Variants in ATP6V1B2 observed in about 807,000 individuals in gnomAD.
ATP6V1B2 encodes the protein ATPase H+ transporting V1 subunit B2.
A neutral mutation model predicts 66.7 loss-of-function variants in ATP6V1B2; 23 were observed. The ratio of observed to expected loss-of-function variants is 0.34; its 90% CI spans 0.25 to 0.49. ATP6V1B2 has a LOEUF of 0.49. ATP6V1B2 is among the 20% of genes least tolerant of loss of function. The pLI is 0.99. For missense variants in ATP6V1B2, 478 were observed against 650.8 expected, an observed-to-expected ratio of 0.73 and a Z score of 2.89; for synonymous variants, 278 against 236.7, an observed-to-expected ratio of 1.17 and a Z score of -1.60.
At position 20,197,384 on chromosome 8, in the gene ATP6V1B2, C is replaced by A; in HGVS notation, c.-23C>A. The A allele has an allele frequency of 1.3e-6, 2 of 1,482,038 alleles. No individual in the cohort carries two copies. Among genetic ancestry groups the A allele is most frequent in the East Asian group, 2.8e-5 (1 of 35,354 alleles). The allele number at this position is 1,482,038 out of a possible 1,614,324, so 91.8% of individuals were successfully genotyped here. ...GCGCGTGCGCGGCGTCGCTGCTGGG[C>A]CAGTCGGGACAGAGGAGACAAGATG... On this transcript the variant is annotated 5_prime_UTR_variant, in exon 1 of 14. Coordinates refer to ENST00000276390, the MANE Select transcript of ATP6V1B2 (RefSeq NM_001693.4).
rs541804191 is a variant in ATP6V1B2, at chr8:20,217,145, A to G, written c.1162-75A>G. On this transcript the variant is annotated intron_variant, in intron 11 of 13. Transcript: ENST00000276390. ...ATTTAAGTTGTAATAATGAGTTTCA[A>G]ATGTTTTTTTATTACCAGTAAAACT... is the stretch of plus-strand genomic sequence containing the variant. 7.8e-5 allele frequency: 96 copies of G among 1,226,538 alleles called. No individual in the cohort carries two copies. The South Asian group carries it at 1.1e-3, about 14-fold the overall frequency. 76.0% of individuals were successfully genotyped at this position (1,226,538 alleles called of 1,614,324 possible).
intron 2 of ATP6V1B2, among the ~76,000 whole-genome samples, chr8:20,208,363 G>A (rs2072758720): frequency 6.6e-6 from 1 of 152,168 alleles, no homozygotes. Flanking sequence ...ATACTAAGGT[G>A]CCCATATCTC....
At chr8:20,213,761 G>A (rs1207923144) in intron 9 of ATP6V1B2, 2 of 152,104 alleles carry the variant, frequency 1.3e-5, no homozygotes, top group Non-Finnish European at 2.9e-5. Flanking sequence ...AAAAGATTCT[G>A]AAGAGACAGG....
At chr8:20,218,580 C>T (rs1295739796) in intron 13 of ATP6V1B2, among the ~76,000 whole-genome samples, 3 of 152,134 alleles carry the variant, frequency 2.0e-5, no homozygotes, top group Non-Finnish European at 4.4e-5. Flanking sequence ...GCCAGTTCTC[C>T]TTGCTGCTAA....
intron 3 of ATP6V1B2, 135 bp from the exon 4 acceptor site, chr8:20,210,211 T>C: frequency 1.4e-6 from 1 of 695,212 alleles, no homozygotes; most frequent in South Asian, 2.0e-5. Flanking sequence ...TTATCATATT[T>C]CTTTGCTCAT....
intron 5 of ATP6V1B2, 133 bp from the exon 6 acceptor site, chr8:20,211,044 G>T: frequency 8.6e-7 from 1 of 1,162,892 alleles, no homozygotes. Flanking sequence ...GATTTTTTTT[G>T]TAGTAAAGAG....
In ATP6V1B2 at chr8:20,206,690, G is replaced by A. The variant is rs117184398; in HGVS notation, c.192+2151G>A. Reference sequence around the variant, plus strand: ...GACACATGGATGCATTCTTGCTGCCGAACCCAGAAACTCTCCAAACACCCT... The same window carrying A: ...GACACATGGATGCATTCTTGCTGCCAAACCCAGAAACTCTCCAAACACCCT... On this transcript the variant is annotated intron_variant, in intron 2 of 13. Coordinates refer to ENST00000276390, the MANE Select transcript of ATP6V1B2 (RefSeq NM_001693.4). Among the ~76,000 whole-genome samples the A allele has an allele frequency of 1.2e-3, 178 of 152,170 alleles. 3 individuals are homozygous for A. In the East Asian group the frequency reaches 0.033, roughly 28 times the overall value.
chr8:20,211,343 A>T, intron 6 of ATP6V1B2, 27 bp downstream of exon 6: 1 of 1,598,332 alleles, frequency 6.3e-7, no homozygotes, highest in Non-Finnish European at 8.5e-7. Flanking sequence ...GTTTGCTATG[A>T]AGTTTAGCAG....
chr8:20,197,587 C>T, intron 1 of ATP6V1B2, 45 bp downstream of exon 1: 1 of 1,328,052 alleles, frequency 7.5e-7, no homozygotes, highest in Non-Finnish European at 9.7e-7. Context: ...GCTCCCTAGC[C>T]TAGCCCTTTG....
chr8:20,203,294 A>G lies in ATP6V1B2; in HGVS notation c.137-1190A>G, dbSNP rs144204677. Among the ~76,000 whole-genome samples, 712 of 152,360 alleles carry G rather than the reference A, an allele frequency of 4.7e-3. 5 individuals carry two copies. The highest frequency in any genetic ancestry group is 0.016 in the African/African-American group (674 of 41,592). ...GATGTCTGGATTTAAACGTCCTGTT[A>G]GCAGGAAAGATGGAAGCCCTGACAG... On this transcript the variant is annotated intron_variant, in intron 1 of 13. Coordinates refer to ENST00000276390, the MANE Select transcript of ATP6V1B2 (RefSeq NM_001693.4).
chr8:20,219,743 G>C (rs1288828581), intron 13 of ATP6V1B2, among the ~76,000 whole-genome samples: 2 of 152,148 alleles, frequency 1.3e-5, no homozygotes, highest in East Asian at 3.9e-4. Context: ...GTGGGGATAA[G>C]GATGATTCTG....
intron 2 of ATP6V1B2, 62 bp from the exon 3 acceptor site, chr8:20,209,371 G>A (rs1019547271): frequency 6.8e-7 from 1 of 1,468,192 alleles, no homozygotes; most frequent in African/African-American, 1.4e-5. Flanking sequence ...GACAGAGCAT[G>A]TGTAGTAATT....
At chr8:20,215,983 T>A (rs1191128036) in intron 10 of ATP6V1B2, 1 of 153,134 alleles carries the variant, frequency 6.5e-6, no homozygotes, top group Non-Finnish European at 1.5e-5. Flanking sequence ...AAATGAAACT[T>A]TACTTATATT....
At chr8:20,217,034 A>G (rs2072861505) in intron 11 of ATP6V1B2, 186 bp from the exon 12 acceptor site, 6 of 571,386 alleles carry the variant, frequency 1.1e-5, no homozygotes, top group South Asian at 8.5e-5. Flanking sequence ...AAGAAATGCT[A>G]TGCTATAAAG....
intron 3 of ATP6V1B2, among the ~76,000 whole-genome samples, chr8:20,210,066 A>G (rs1251753721): frequency 2.7e-5 from 4 of 147,488 alleles, no homozygotes; most frequent in Non-Finnish European, 4.5e-5. Flanking sequence ...TTTAAAAAAT[A>G]TATATATATA....
rs753079219 is a variant in ATP6V1B2 at position 20,214,982 on chromosome 8, T to C, written c.1078+14T>C. ...TGCCTAATGATGGTAAGTTTTGGTA[T>C]TTGGATTATAACACACCTAATCATT... On this transcript the variant is annotated intron_variant, in intron 10 of 13. Transcript: ENST00000276390. The C allele has an allele frequency of 1.2e-6, 2 of 1,611,620 alleles. No individual in the cohort carries two copies. The highest frequency in any genetic ancestry group is 1.7e-4 in the Middle Eastern group (1 of 5,998).
rs748691648 is a variant in ATP6V1B2 at position 20,214,813 on chromosome 8, G to A, written c.928-5G>A. ...ATGATACTCTTCTGCTTGACCTGCTGTCAGGTTTCAGCAGCCAGGGAAGAG... is the reference window on the plus strand; with the variant it reads ...ATGATACTCTTCTGCTTGACCTGCTATCAGGTTTCAGCAGCCAGGGAAGAG... On this transcript the variant is annotated splice_region_variant and splice_polypyrimidine_tract_variant and intron_variant, in intron 9 of 13. Transcript: ENST00000276390. 13 of 1,609,840 alleles carry A rather than the reference G, an allele frequency of 8.1e-6. No homozygotes were observed. The highest frequency in any genetic ancestry group is 1.1e-5 in the Non-Finnish European group (13 of 1,177,908).
intron 2 of ATP6V1B2, among the ~76,000 whole-genome samples, chr8:20,206,227 C>T (rs977704088): frequency 6.6e-6 from 1 of 152,080 alleles, no homozygotes; most frequent in Non-Finnish European, 1.5e-5. Context: ...GTGTTTTTTC[C>T]TATAACAATT....
chr8:20,217,428 A>G (rs2072867373), intron 12 of ATP6V1B2, 104 bp downstream of exon 12: 6 of 1,039,370 alleles, frequency 5.8e-6, no homozygotes, highest in South Asian at 4.0e-5. Flanking sequence ...CCCCATCCAC[A>G]TGGAATTTTA....
Sources: allele counts gnomAD v4.1 joint callset (sites outside exome capture counted in the v4.1 genomes callset), GRCh38; gene constraint gnomAD v4.1.1; transcripts MANE v1.5; gene names NCBI Gene and HGNC (gene_info 2026-07-23, HGNC 2026-07-21).